The following ATP2B4 variants were observed in gnomAD, a reference collection of about 807,000 sequenced individuals.
ATP2B4 encodes plasma membrane calcium-transporting ATPase 4.
Under a neutral mutation model 110.3 loss-of-function variants are expected in ATP2B4, and 39 were observed. The observed-to-expected ratio is 0.35, with a 90% confidence interval of 0.27 to 0.46. The LOEUF (loss-of-function observed/expected upper bound fraction) is 0.46. ATP2B4 is among the 20% of genes least tolerant of loss of function. The pLI is 1.00. For missense variants in ATP2B4, 1,135 were observed against 1,530.9 expected, an observed-to-expected ratio of 0.74 and a Z score of 4.32; for synonymous variants, 538 against 571.7, an observed-to-expected ratio of 0.94 and a Z score of 0.84.
intron 1 of ATP2B4, among the ~76,000 whole-genome samples, chr1:203,678,069 A>G: frequency 6.6e-6 from 1 of 152,200 alleles, no homozygotes; most frequent in East Asian, 1.9e-4. Flanking sequence ...GCAGTGCTGC[A>G]GCAGCCTGAA....
chr1:203,734,687 CAG>C (rs953940471), intron 20 of ATP2B4, among the ~76,000 whole-genome samples: 2 of 131,276 alleles, frequency 1.5e-5, no homozygotes, highest in African/African-American at 5.9e-5. Context: ...ACCTGGGCTA[CAG>C]AGTGAGACTC....
intron 2 of ATP2B4, among the ~76,000 whole-genome samples, chr1:203,697,648 G>A (rs1665572440): frequency 6.6e-6 from 1 of 152,198 alleles, no homozygotes; most frequent in African/African-American, 2.4e-5. Flanking sequence ...GATTAGGATG[G>A]TTGTCTCTAA....
At chr1:203,635,511 A>G (rs1312505397) in intron 1 of ATP2B4, among the ~76,000 whole-genome samples, 2 of 152,124 alleles carry the variant, frequency 1.3e-5, no homozygotes, top group Non-Finnish European at 2.9e-5. Flanking sequence ...AAAATAAAAA[A>G]TTAGCTGGGC....
chr1:203,638,413 C>A (rs573262025), intron 1 of ATP2B4, among the ~76,000 whole-genome samples: 1 of 152,180 alleles, frequency 6.6e-6, no homozygotes, highest in Non-Finnish European at 1.5e-5. Flanking sequence ...GGGGAGCACT[C>A]GTACGACATC....
intron 2 of ATP2B4, among the ~76,000 whole-genome samples, chr1:203,694,732 T>TA (rs959562332): frequency 6.6e-6 from 1 of 152,078 alleles, no homozygotes; most frequent in Non-Finnish European, 1.5e-5. Context: ...CCTTGGATCT[T>TA]AAAAAAGATC....
intron 20 of ATP2B4, 194 bp downstream of exon 20, chr1:203,727,765 G>A: frequency 1.6e-6 from 1 of 642,716 alleles, no homozygotes; most frequent in Admixed American, 3.1e-5. Flanking sequence ...GAGGAGAGGA[G>A]TCAAATGACC....
intron 9 of ATP2B4, among the ~76,000 whole-genome samples, chr1:203,707,463 T>G (rs183537401): frequency 6.6e-6 from 1 of 152,140 alleles, no homozygotes; most frequent in East Asian, 1.9e-4. Context: ...TTTTTTTTTT[T>G]TAAGACAGAG....
intron 20 of ATP2B4, among the ~76,000 whole-genome samples, chr1:203,735,800 C>A (rs560779598): frequency 4.7e-4 from 71 of 152,360 alleles, no homozygotes; most frequent in African/African-American, 1.7e-3. Flanking sequence ...CCCCTTCTAA[C>A]TAGCTTCTGT....
At chr1:203,726,425 CT>C (rs71861339) in intron 19 of ATP2B4, among the ~76,000 whole-genome samples, 69,883 of 144,954 alleles carry the variant, frequency 0.48, 16,980 homozygotes, top group Admixed American at 0.58. Context: ...GTGAAGATTT[CT>C]TTTTTTTTTT....
At chr1:203,668,789 GA>G (rs1664580256) in intron 1 of ATP2B4, among the ~76,000 whole-genome samples, 1 of 152,224 alleles carries the variant, frequency 6.6e-6, no homozygotes, top group Admixed American at 6.5e-5. Context: ...ATTGGTTTCA[GA>G]AATTATCCAG....
At chr1:203,698,099 C>A in intron 2 of ATP2B4, 58 bp from the exon 3 acceptor site, 1 of 1,530,602 alleles carries the variant, frequency 6.5e-7, no homozygotes, top group Non-Finnish European at 9.0e-7. Context: ...TTCAAAACTG[C>A]CTTTTATCAT....
At position 203,714,151 on chromosome 1, in the gene ATP2B4, G is replaced by A. The variant is rs1451875826; in HGVS notation, c.2300-20G>A. The A allele has an allele frequency of 1.2e-6, 2 of 1,611,646 alleles. No homozygotes were observed. The highest frequency in any genetic ancestry group is 2.2e-5 in the East Asian group (1 of 44,866). On this transcript the variant is annotated intron_variant, in intron 14 of 20. Coordinates refer to ENST00000357681, the MANE Select transcript of ATP2B4 (RefSeq NM_001684.5). ...GGGGGAGACCAGAAAAGCTCACTGT[G>A]GTGTGTCTGTTTCTCCCAGGCATAA...
chr1:203,676,526 T>G (rs1664833021), intron 1 of ATP2B4, among the ~76,000 whole-genome samples: 1 of 152,110 alleles, frequency 6.6e-6, no homozygotes, highest in Non-Finnish European at 1.5e-5. Context: ...CCAGCTTTCT[T>G]GATAGGGCAC....
rs1571741825 is a variant in ATP2B4 at position 203,703,746 on chromosome 1, G to A, written c.1032G>A (p.Val344=). Residue 344 remains valine (V), a synonymous_variant, in exon 8 of 21, where the codon GTG becomes GTA. Coordinates refer to ENST00000357681, the MANE Select transcript of ATP2B4 (RefSeq NM_001684.5). Reference sequence around the variant, plus strand: ...AAAAGGACAAGAAGGCAGTCAAGGTGCCTAAAAAGGAGAAGTCAGTGCTGC... The same window carrying A: ...AAAAGGACAAGAAGGCAGTCAAGGTACCTAAAAAGGAGAAGTCAGTGCTGC... ...NEEKDKKAVK[V]PKKEKSVLQG... 6.2e-7 allele frequency: 1 copy of A among 1,614,186 alleles called. No individual in the cohort carries two copies. Among genetic ancestry groups the A allele is most frequent in the Non-Finnish European group, 8.5e-7 (1 of 1,180,024 alleles).
rs894890550 is a variant in ATP2B4, at chr1:203,743,287, C to T, written c.*3433C>T. ...ATTGAAGCAGCCCGTGGTACCATCACAGTATGCAGAGACTTCCTCACCTTT... is the reference window on the plus strand; with the variant it reads ...ATTGAAGCAGCCCGTGGTACCATCATAGTATGCAGAGACTTCCTCACCTTT... On this transcript the variant is annotated 3_prime_UTR_variant, in exon 21 of 21. Transcript: ENST00000357681. 19 of 152,646 alleles carry T rather than the reference C, an allele frequency of 1.2e-4. No homozygotes were observed. Among genetic ancestry groups the T allele is most frequent in the African/African-American group, 4.6e-4 (19 of 41,450 alleles). 9.5% of individuals were successfully genotyped at this position (152,646 alleles called of 1,614,324 possible).
At chr1:203,685,104 A>C (rs1197859711) in intron 2 of ATP2B4, among the ~76,000 whole-genome samples, 2 of 151,958 alleles carry the variant, frequency 1.3e-5, no homozygotes, top group Non-Finnish European at 2.9e-5. Flanking sequence ...GCTCACCTCA[A>C]CCTCCCAAAG....
At chr1:203,670,779 C>G (rs141329823) in intron 1 of ATP2B4, among the ~76,000 whole-genome samples, 122 of 152,334 alleles carry the variant, frequency 8.0e-4, no homozygotes, top group African/African-American at 2.8e-3. Context: ...CTAACCAGGG[C>G]TGTCAGTTAG....
At chr1:203,678,170 G>A (rs1361628866) in intron 1 of ATP2B4, among the ~76,000 whole-genome samples, 1 of 152,144 alleles carries the variant, frequency 6.6e-6, no homozygotes, top group Non-Finnish European at 1.5e-5. Context: ...GGGAGACTCA[G>A]GGGGTGAGTT....
intron 2 of ATP2B4, among the ~76,000 whole-genome samples, chr1:203,684,864 G>A (rs995146493): frequency 6.6e-6 from 1 of 151,530 alleles, no homozygotes; most frequent in Non-Finnish European, 1.5e-5. Context: ...TGTTTTTTTG[G>A]TTTTTTTGTT....
Sources: gnomAD v4.1 joint callset for allele counts (sites outside exome capture counted in the v4.1 genomes callset) on GRCh38, gnomAD v4.1.1 for gene constraint, MANE v1.5 for transcripts, NCBI Gene and HGNC (gene_info 2026-07-23, HGNC 2026-07-21) for gene names.